C3orf49: variants seen among roughly 807,000 people sequenced by gnomAD.
C3orf49 encodes chromosome 3 open reading frame 49.
A neutral mutation model predicts 13.3 loss-of-function variants in C3orf49; 27 were observed. The ratio of observed to expected loss-of-function variants is 2.02; its 90% confidence interval spans 1.49 to 2.79. The LOEUF (loss-of-function observed/expected upper bound fraction) is 2.79. Ranked by LOEUF, C3orf49 falls within the 30% of genes most tolerant of loss-of-function variation. The pLI is 0.00. For synonymous variants in C3orf49, 87 were observed against 47.6 expected, an observed-to-expected ratio of 1.83 and a Z score of -3.40; for missense variants, 242 against 134.2, an observed-to-expected ratio of 1.80 and a Z score of -3.97.
At chr3:63,827,051 T>C (rs1701471938) in intron 2 of C3orf49, 1 of 152,252 alleles carries the variant, frequency 6.6e-6, no homozygotes. Flanking sequence ...CTGTTTACCA[T>C]ACTAGTCTTA....
At chr3:63,810,112 A>T in the C3orf49 span, among the ~76,000 whole-genome samples, 2 of 151,930 alleles carry the variant, frequency 1.3e-5, no homozygotes, top group South Asian at 4.2e-4. Flanking sequence ...CACCACTGCA[A>T]TCCAACCTGG....
chr3:63,787,478 A>G, the C3orf49 span, among the ~76,000 whole-genome samples: 1 of 152,160 alleles, frequency 6.6e-6, no homozygotes, highest in Non-Finnish European at 1.5e-5. Context: ...GTTTGGGAGC[A>G]ATGCACATGG....
chr3:63,796,915 G>C, the C3orf49 span, among the ~76,000 whole-genome samples: 1 of 151,926 alleles, frequency 6.6e-6, no homozygotes, highest in South Asian at 2.1e-4. Context: ...TGCAGGACAG[G>C]TGTCTGGTGG....
the C3orf49 span, chr3:63,782,565 G>T: frequency 6.6e-6 from 1 of 152,184 alleles, no homozygotes; most frequent in Non-Finnish European, 1.5e-5. Flanking sequence ...AAGAAAGACA[G>T]TTGAGATTGT....
At chr3:63,840,375 T>C (rs181009577) in intron 5 of C3orf49, among the ~76,000 whole-genome samples, 156 of 152,218 alleles carry the variant, frequency 1.0e-3, no homozygotes, top group African/African-American at 3.5e-3. Flanking sequence ...GAGTATCACT[T>C]GAGCCCAGGA....
At chr3:63,847,310 A>T (rs1011265043) in intron 6 of C3orf49, among the ~76,000 whole-genome samples, 1 of 152,180 alleles carries the variant, frequency 6.6e-6, no homozygotes, top group African/African-American at 2.4e-5. Context: ...ATGAACTCTC[A>T]TCAGGTTTTA....
At chr3:63,823,166 T>C in intron 1 of C3orf49, 84 bp from the exon 2 acceptor site, 1 of 596,200 alleles carries the variant, frequency 1.7e-6, no homozygotes, top group African/African-American at 1.9e-5. Flanking sequence ...TTGGTTCACA[T>C]TTGAAGTTTG....
At chr3:63,838,367 T>G (rs767437831) in intron 5 of C3orf49, 1 of 1,462,426 alleles carries the variant, frequency 6.8e-7, no homozygotes, top group East Asian at 2.3e-5. Flanking sequence ...ATTAAGATTC[T>G]TTACCTATTT....
chr3:63,780,450 G>A, the C3orf49 span, among the ~76,000 whole-genome samples: 7 of 152,276 alleles, frequency 4.6e-5, no homozygotes, highest in South Asian at 8.3e-4. Flanking sequence ...ATAAACATAC[G>A]TGTGCATGTG....
chr3:63,846,035 A>T (rs1701886671), intron 6 of C3orf49: 1 of 220,428 alleles, frequency 4.5e-6, no homozygotes, highest in African/African-American at 2.3e-5. Flanking sequence ...CAGTCCTCTA[A>T]AATCACCTTT....
At chr3:63,816,059 C>A (rs1200800071), upstream of C3orf49, among the ~76,000 whole-genome samples, 1 of 151,404 alleles carries the variant, frequency 6.6e-6, no homozygotes, top group East Asian at 1.9e-4. Context: ...GCCGGGATTA[C>A]AGGCATGAGC....
chr3:63,816,419 C>G (rs1348163690), upstream of C3orf49, among the ~76,000 whole-genome samples: 1 of 151,986 alleles, frequency 6.6e-6, no homozygotes, highest in Non-Finnish European at 1.5e-5. Flanking sequence ...GGTGAAACCT[C>G]GTCTCTACTA....
chr3:63,810,823 C>T, the C3orf49 span, among the ~76,000 whole-genome samples: 1 of 152,152 alleles, frequency 6.6e-6, no homozygotes, highest in Non-Finnish European at 1.5e-5. Context: ...CATAATTTTC[C>T]GAGAATATCA....
chr3:63,844,242 A>C (rs1430567834), intron 5 of C3orf49, among the ~76,000 whole-genome samples: 1 of 152,210 alleles, frequency 6.6e-6, no homozygotes, highest in Non-Finnish European at 1.5e-5. Flanking sequence ...CAAAAGATAC[A>C]TACTTACAGT....
At chr3:63,811,069 A>G in the C3orf49 span, among the ~76,000 whole-genome samples, 6 of 152,268 alleles carry the variant, frequency 3.9e-5, no homozygotes, top group East Asian at 1.2e-3. Flanking sequence ...GCTGGTCTCA[A>G]ACTTCTGACC....
At chr3:63,785,917 A>G in the C3orf49 span, 7 of 152,182 alleles carry the variant, frequency 4.6e-5, no homozygotes, top group African/African-American at 1.7e-4. Context: ...ATATTCATGA[A>G]AAGGGAAATA....
chr3:63,838,319 T>C, intron 5 of C3orf49: 2 of 1,255,890 alleles, frequency 1.6e-6, no homozygotes, highest in South Asian at 2.9e-5. Flanking sequence ...AGGTATTGTT[T>C]CCTTTAGACC....
chr3:63,800,351 T>C, the C3orf49 span, among the ~76,000 whole-genome samples: 33 of 152,270 alleles, frequency 2.2e-4, no homozygotes, highest in East Asian at 4.3e-3. Flanking sequence ...ACAGATGTGC[T>C]TGAATGAGCA....
chr3:63,824,529 T>C (rs1234233332), intron 2 of C3orf49, among the ~76,000 whole-genome samples: 1 of 152,110 alleles, frequency 6.6e-6, no homozygotes, highest in African/African-American at 2.4e-5. Flanking sequence ...TTCTCATCTG[T>C]GGCTTTTAAA....
Sources: allele counts gnomAD v4.1 joint callset (sites outside exome capture counted in the v4.1 genomes callset), GRCh38; gene constraint gnomAD v4.1.1; transcripts MANE v1.5; gene names NCBI Gene and HGNC (gene_info 2026-07-23, HGNC 2026-07-21).